Variants in CACNA1A observed in about 807,000 individuals in gnomAD.
CACNA1A encodes voltage-dependent P/Q-type calcium channel subunit alpha-1A.
Under a neutral mutation model 262.4 loss-of-function variants are expected in CACNA1A, and 57 were observed. That is an observed-to-expected ratio of 0.22 (90% CI 0.18 to 0.27). CACNA1A has a LOEUF of 0.27. Among genes scored for constraint, CACNA1A ranks in the 10% least tolerant of loss-of-function variants. The probability of loss-of-function intolerance (pLI) is 1.00; values close to 1 mark genes in which losing one functional copy is unlikely to be tolerated. For missense variants in CACNA1A, 2,526 were observed against 3,562.8 expected (o/e 0.71, Z 7.41); for synonymous variants, 1,431 against 1,419.3 (o/e 1.01, Z -0.18).
chr19:13,209,475 C>A lies in CACNA1A; in HGVS notation c.6363G>T (p.Met2121Ile). ...GGCCCAGCACGGAGGCTGAACGCTT[C>A]ATGGGGCTGGTGTCTGAGATGGTCT... ...NLSTISDTSPMKRSASVLGPK... is the reference protein window; with the variant it reads ...NLSTISDTSPIKRSASVLGPK... The change falls in exon 45 of 47, where the codon ATG becomes ATT. Residue 2121 changes from methionine (M) to isoleucine (I), a missense_variant. Physicochemically the swap from Met to Ile is conservative, Grantham distance 10. Around this residue, in one of 17 missense-constraint regions of CACNA1A, gnomAD observed 929 missense variants for 868.1 expected, o/e 1.07. Transcript: ENST00000360228. 1 of 1,342,478 alleles carries A rather than the reference C, an allele frequency of 7.4e-7. No homozygotes were observed. The allele number at this position is 1,342,478 out of a possible 1,614,324, so 83.2% of individuals were successfully genotyped here.
intron 3 of CACNA1A, among the ~76,000 whole-genome samples, chr19:13,382,611 A>G (rs1194296956): frequency 6.6e-6 from 1 of 152,144 alleles, no homozygotes; most frequent in East Asian, 1.9e-4. Context: ...AGAGTCATGT[A>G]AGGTTTTGGA....
At chr19:13,467,112 C>T (rs1415969214) in intron 1 of CACNA1A, among the ~76,000 whole-genome samples, 1 of 151,926 alleles carries the variant, frequency 6.6e-6, no homozygotes, top group Non-Finnish European at 1.5e-5. Context: ...AGAAGAGTAA[C>T]CCAGGAGGGG....
intron 37 of CACNA1A, 50 bp downstream of exon 37, chr19:13,227,381 G>GAA: frequency 3.5e-6 from 2 of 573,656 alleles, no homozygotes; most frequent in South Asian, 3.0e-5. Context: ...AGAAGAAGAA[G>GAA]AAAAAAAAAC....
intron 1 of CACNA1A, among the ~76,000 whole-genome samples, chr19:13,485,518 A>C (rs1410954747): frequency 1.3e-5 from 2 of 152,186 alleles, no homozygotes; most frequent in Non-Finnish European, 2.9e-5. Flanking sequence ...ATCACCCACA[A>C]ATCAATATTT....
At chr19:13,249,526 T>C (rs1337687240) in intron 30 of CACNA1A, among the ~76,000 whole-genome samples, 1 of 152,080 alleles carries the variant, frequency 6.6e-6, no homozygotes, top group African/African-American at 2.4e-5. Context: ...AGGCTAATTT[T>C]GTACTTTTTG....
intron 8 of CACNA1A, chr19:13,333,993 T>G (rs1034059030): frequency 3.8e-5 from 7 of 182,942 alleles, no homozygotes; most frequent in African/African-American, 1.6e-4. Flanking sequence ...CAGGCACTTC[T>G]CTCCCCAAGT....
chr19:13,422,669 G>T (rs1019472), intron 3 of CACNA1A, among the ~76,000 whole-genome samples: 7 of 151,978 alleles, frequency 4.6e-5, no homozygotes, highest in South Asian at 2.1e-4. Flanking sequence ...TGGGACACAC[G>T]GTATCAGTTT....
intron 45 of CACNA1A, 72 bp from the exon 46 acceptor site, chr19:13,209,081 A>C: frequency 1.3e-6 from 2 of 1,529,010 alleles, no homozygotes; most frequent in South Asian, 2.4e-5. Flanking sequence ...CACACACAGG[A>C]GGCCACCTGG....
rs761560224 is a variant in CACNA1A at position 13,212,413 on chromosome 19, C to T, written c.6160G>A (p.Asp2054Asn). 2.8e-5 allele frequency: 45 copies of T among 1,613,276 alleles called. No homozygotes were observed. Among genetic ancestry groups the T allele is most frequent in the South Asian group, 1.3e-4 (12 of 90,982 alleles). Residue 2054 changes from aspartate (D) to asparagine (N), a missense_variant, in exon 42 of 47, where the codon GAC becomes AAC. By Grantham distance (23) the Asp-to-Asn change is conservative. Coordinates refer to ENST00000360228, the MANE Select transcript of CACNA1A (RefSeq NM_001127222.2). This position sits in a 1 kb window ranked among gnomAD's most constrained non-coding sequence, Gnocchi z 5.6. ...GAGTTAGGCTGGCTGTTGGGCATGT[C>T]GGTAGGGGGGCCTTGTTCCGGACTC... ...TWSPEQGPPT[D>N]MPNSQPNSQS...
Position 13,211,329 on chromosome 19 carries a change from C to T in CACNA1A, c.6304-677G>A, listed in dbSNP as rs535362195. 1.6e-3 allele frequency: 239 copies of T among 154,062 alleles called. 2 individuals are homozygous for T. Among genetic ancestry groups the T allele is most frequent in the Non-Finnish European group, 3.9e-4 (27 of 69,096 alleles). 9.5% of individuals were successfully genotyped at this position (154,062 alleles called of 1,614,324 possible). ...GAGGCGGGCTGCGTGCATGGGCCCCCGCTGTTCAGGCCGGGTGGGCAGCCA... is the reference window on the plus strand; with the variant it reads ...GAGGCGGGCTGCGTGCATGGGCCCCTGCTGTTCAGGCCGGGTGGGCAGCCA... On this transcript the variant is annotated intron_variant, in intron 43 of 46. Transcript: ENST00000360228.
At position 13,476,759 on chromosome 19, in the gene CACNA1A, C is replaced by A. The variant is rs544910283; in HGVS notation, c.294-21547G>T. ...CAATAAAAAAACTTAAAAATTATAA[C>A]CAGAATCCAGCCACTCATTATTATC... On this transcript the variant is annotated intron_variant, in intron 1 of 46. Transcript: ENST00000360228. Among the ~76,000 whole-genome samples, 3 of 152,174 alleles carry A rather than the reference C, an allele frequency of 2.0e-5. No individual in the cohort carries two copies. In the East Asian group the frequency reaches 5.8e-4, roughly 29 times the overall value.
intron 1 of CACNA1A, among the ~76,000 whole-genome samples, chr19:13,471,579 T>C (rs1448195237): frequency 2.0e-5 from 3 of 152,162 alleles, no homozygotes; most frequent in African/African-American, 7.2e-5. Context: ...CCCACAGAAA[T>C]ATCTATAATC....
chr19:13,443,279 T>C (rs974372769), intron 3 of CACNA1A, among the ~76,000 whole-genome samples: 3 of 152,206 alleles, frequency 2.0e-5, no homozygotes, highest in African/African-American at 7.2e-5. Context: ...TGAGCCTCAG[T>C]TGCTCCATCT....
intron 4 of CACNA1A, chr19:13,370,746 A>AG (rs958761403): frequency 6.6e-6 from 1 of 151,160 alleles, no homozygotes; most frequent in African/African-American, 2.4e-5. Context: ...TTCTAAAAAA[A>AG]AAAAAAAAAT....
intron 3 of CACNA1A, among the ~76,000 whole-genome samples, chr19:13,417,693 C>T (rs147505790): frequency 0.017 from 2,650 of 152,154 alleles, 81 homozygotes; most frequent in African/African-American, 0.06. Context: ...AGATCGAGAC[C>T]AGCCTGGCCC....
intron 29 of CACNA1A, 91 bp downstream of exon 29, chr19:13,255,004 T>C: frequency 1.5e-6 from 2 of 1,378,432 alleles, no homozygotes; most frequent in South Asian, 2.4e-5. Flanking sequence ...GTGGTCTGTC[T>C]GGGAAACTGC....
intron 40 of CACNA1A, chr19:13,213,736 T>G (rs2054901382): frequency 7.4e-6 from 1 of 135,554 alleles, no homozygotes; most frequent in Non-Finnish European, 1.5e-5. Context: ...CGGGCTGGAG[T>G]GCAGTGGCTT....
intron 3 of CACNA1A, among the ~76,000 whole-genome samples, chr19:13,431,407 G>A (rs1221517726): frequency 6.6e-6 from 1 of 152,022 alleles, no homozygotes; most frequent in African/African-American, 2.4e-5. Flanking sequence ...AGAAAAAGAG[G>A]CATAGAGGCA....
intron 6 of CACNA1A, among the ~76,000 whole-genome samples, chr19:13,352,481 T>C (rs937412130): frequency 6.6e-6 from 1 of 151,934 alleles, no homozygotes; most frequent in Non-Finnish European, 1.5e-5. Context: ...AATATCAAGA[T>C]TCCCAAATCC....
Sources: gnomAD v4.1 joint callset for allele counts (sites outside exome capture counted in the v4.1 genomes callset) on GRCh38, gnomAD v4.1.1 for gene constraint, gnomAD v4.1.1 regional missense constraint, Gnocchi (gnomAD v3.1) non-coding constraint, MANE v1.5 for transcripts, NCBI Gene and HGNC (gene_info 2026-07-23, HGNC 2026-07-21) for gene names.